TBC1D1: variants seen among roughly 807,000 people sequenced by gnomAD.
TBC1D1 encodes the protein TBC1 (tre-2/USP6, BUB2, cdc16) domain family, member 1.
TBC1D1 carries 89 observed loss-of-function variants against 125.6 expected under a neutral mutation model. That is an observed-to-expected ratio of 0.71 (90% confidence interval 0.60 to 0.85). The LOEUF (loss-of-function observed/expected upper bound fraction) is 0.85. Ranked by LOEUF, TBC1D1 falls within the 40% of genes least tolerant of loss-of-function variation. The probability of loss-of-function intolerance (pLI) is 0.00; values close to 1 mark genes in which losing one functional copy is unlikely to be tolerated. For synonymous variants in TBC1D1, 565 were observed against 564.1 expected (o/e 1.00, Z -0.02); for missense variants, 1,377 against 1,469.2 (o/e 0.94, Z 1.03).
chr4:38,046,143 A>T (rs1749414981), intron 10 of TBC1D1, among the ~76,000 whole-genome samples: 1 of 152,174 alleles, frequency 6.6e-6, no homozygotes, highest in African/African-American at 2.4e-5. Context: ...ACGCGGGCGG[A>T]TCATGAGGTC....
chr4:37,989,751 C>T (rs992664934), intron 2 of TBC1D1, among the ~76,000 whole-genome samples: 3 of 152,186 alleles, frequency 2.0e-5, no homozygotes, highest in Non-Finnish European at 4.4e-5. Flanking sequence ...TTGGCTTCTG[C>T]CACCAGCAGC....
At chr4:38,025,914 C>A (rs183027993) in intron 6 of TBC1D1, among the ~76,000 whole-genome samples, 11 of 152,314 alleles carry the variant, frequency 7.2e-5, no homozygotes, top group Admixed American at 4.6e-4. Flanking sequence ...TCTAAGCTTG[C>A]TCTTGTATTG....
chr4:38,011,351 CT>C (rs1251577505), intron 2 of TBC1D1, among the ~76,000 whole-genome samples: 1 of 139,836 alleles, frequency 7.2e-6, no homozygotes, highest in Non-Finnish European at 1.5e-5. Flanking sequence ...GAAACTCCAT[CT>C]CAAAAAAAAA....
rs563998678 is a variant in TBC1D1 at position 38,046,425 on chromosome 4, A to G, written c.1629+522A>G. On this transcript the variant is annotated intron_variant, in intron 10 of 19. Transcript: ENST00000261439. The stretch of plus-strand genomic sequence containing the variant: ...TAAAAAAATAATTAATATTGGGAAA[A>G]CATCAGAAAGTGGATTTGTGAATTT... Among the ~76,000 whole-genome samples, 12 of 152,166 alleles carry G rather than the reference A, an allele frequency of 7.9e-5. No homozygotes were observed. The Middle Eastern group carries it at 0.01, about 129-fold the overall frequency.
At chr4:37,900,132 A>AG (rs1715582717) in intron 1 of TBC1D1, among the ~76,000 whole-genome samples, 2 of 93,470 alleles carry the variant, frequency 2.1e-5, no homozygotes, top group African/African-American at 1.7e-4. Flanking sequence ...AAAAAAAAAG[A>AG]AAAAAAAAAA....
chr4:38,067,947 G>A (rs1003104021), intron 12 of TBC1D1, among the ~76,000 whole-genome samples: 2 of 152,146 alleles, frequency 1.3e-5, no homozygotes, highest in Non-Finnish European at 2.9e-5. Context: ...TTTAGAGATT[G>A]TGTCTGCCTG....
intron 2 of TBC1D1, among the ~76,000 whole-genome samples, chr4:37,915,571 T>C (rs147523212): frequency 7.9e-5 from 12 of 152,326 alleles, no homozygotes; most frequent in East Asian, 3.9e-4. Context: ...TACTTTAACA[T>C]TGGGGAGGGC....
In TBC1D1 at chr4:37,933,055, ACAAAAAAAC is replaced by A. The variant is rs1468578608; in HGVS notation, c.417+30544_417+30552del. Among the ~76,000 whole-genome samples the A allele has an allele frequency of 2.7e-5, 4 of 147,294 alleles. No individual in the cohort carries two copies. The East Asian group carries it at 8.1e-4, about 30-fold the overall frequency. ...TGACAGACTGAGACTCCATTTAAAA[ACAAAAAAAC>A]AAAAAAACAAAAAAAACTTATATTA... is the stretch of plus-strand genomic sequence containing the variant. On this transcript the variant is annotated intron_variant, in intron 2 of 19. Coordinates refer to ENST00000261439, the MANE Select transcript of TBC1D1 (RefSeq NM_015173.4).
intron 2 of TBC1D1, among the ~76,000 whole-genome samples, chr4:37,920,838 C>CA (rs1560478579): frequency 6.6e-6 from 1 of 151,998 alleles, no homozygotes; most frequent in African/African-American, 2.4e-5. Flanking sequence ...GGGCCGGGCG[C>CA]GGTGGCTCAC....
intron 6 of TBC1D1, among the ~76,000 whole-genome samples, chr4:38,023,964 C>T (rs1027996714): frequency 6.6e-6 from 1 of 152,172 alleles, no homozygotes; most frequent in Non-Finnish European, 1.5e-5. Context: ...TCCTTTACGT[C>T]CTCGCAAGAT....
chr4:38,118,933 G>A (rs1321502936), intron 17 of TBC1D1, among the ~76,000 whole-genome samples: 1 of 152,222 alleles, frequency 6.6e-6, no homozygotes, highest in African/African-American at 2.4e-5. Flanking sequence ...CAGGGATAGG[G>A]CTGTCCACGT....
chr4:38,026,992 G>A (rs1276507256), intron 6 of TBC1D1, among the ~76,000 whole-genome samples: 2 of 152,134 alleles, frequency 1.3e-5, no homozygotes, highest in African/African-American at 4.8e-5. Flanking sequence ...CAACAGAATA[G>A]GAGTTGTTTT....
chr4:38,028,130 C>CAAAA (rs543949534), intron 7 of TBC1D1, among the ~76,000 whole-genome samples: 2,928 of 150,320 alleles, frequency 0.019, 47 homozygotes, highest in South Asian at 0.072. Flanking sequence ...AACAAACAAA[C>CAAAA]AAAAAAAACA....
At chr4:38,090,723 T>G (rs1758284675) in intron 13 of TBC1D1, among the ~76,000 whole-genome samples, 1 of 152,198 alleles carries the variant, frequency 6.6e-6, no homozygotes, top group South Asian at 2.1e-4. Flanking sequence ...GATGCAAAGT[T>G]TACATACTCT....
chr4:38,082,187 C>T (rs1188456716), intron 12 of TBC1D1, among the ~76,000 whole-genome samples: 1 of 152,126 alleles, frequency 6.6e-6, no homozygotes, highest in African/African-American at 2.4e-5. Context: ...ACAGTTTCCC[C>T]ACAATACTGA....
At chr4:38,101,854 T>G (rs1760395561) in intron 14 of TBC1D1, among the ~76,000 whole-genome samples, 1 of 152,178 alleles carries the variant, frequency 6.6e-6, no homozygotes, top group African/African-American at 2.4e-5. Context: ...CCCTTGTGCC[T>G]GAGGCAAACT....
At chr4:38,128,154 G>A (rs536374104) in intron 18 of TBC1D1, among the ~76,000 whole-genome samples, 65 of 152,220 alleles carry the variant, frequency 4.3e-4, no homozygotes, top group Non-Finnish European at 8.4e-4. Flanking sequence ...CTCAGAACCT[G>A]AGGTGTTCAA....
intron 7 of TBC1D1, 98 bp from the exon 8 acceptor site, chr4:38,035,490 C>T: frequency 1.2e-6 from 1 of 861,848 alleles, no homozygotes; most frequent in Non-Finnish European, 1.8e-6. Context: ...AGTAAAAGCA[C>T]TAGTTTAGTG....
In TBC1D1 at chr4:38,133,592, T is replaced by C. The variant is rs371189809; in HGVS notation, c.3306+335T>C. Among the ~76,000 whole-genome samples, 8 of 152,300 alleles carry C rather than the reference T, an allele frequency of 5.3e-5. 1 individual carries two copies. In the South Asian group the frequency reaches 1.7e-3, roughly 32 times the overall value. ...AGCCGTTGTCATTACTCAAAGAGAA[T>C]CTAAGAGCTTTTAACTTCTATGAGC... On this transcript the variant is annotated intron_variant, in intron 19 of 19. Coordinates refer to ENST00000261439, the MANE Select transcript of TBC1D1 (RefSeq NM_015173.4).
Sources: gnomAD v4.1 joint callset for allele counts (sites outside exome capture counted in the v4.1 genomes callset) on GRCh38, gnomAD v4.1.1 for gene constraint, MANE v1.5 for transcripts, NCBI Gene and HGNC (gene_info 2026-07-23, HGNC 2026-07-21) for gene names.